Variants in CTTNBP2 observed in about 807,000 individuals in gnomAD.
CTTNBP2 encodes cortactin binding protein 2.
A neutral mutation model predicts 156.9 loss-of-function variants in CTTNBP2; 108 were observed. That is an observed-to-expected ratio of 0.69 (90% confidence interval 0.59 to 0.81). CTTNBP2 has a LOEUF of 0.81. Ranked by LOEUF, CTTNBP2 falls within the 30% of genes least tolerant of loss-of-function variation. CTTNBP2 has a pLI of 0.00. For synonymous variants in CTTNBP2, 767 were observed against 751.8 expected (o/e 1.02, Z -0.33); for missense variants, 1,924 against 2,035.4 (o/e 0.95, Z 1.05).
At chr7:117,813,220 A>G (rs1248794563) in intron 2 of CTTNBP2, among the ~76,000 whole-genome samples, 2 of 152,218 alleles carry the variant, frequency 1.3e-5, no homozygotes, top group Non-Finnish European at 2.9e-5. Flanking sequence ...CCCCTTTTGC[A>G]CTGCTGGGAC....
chr7:117,832,737 C>CTTTTTTTTT (rs927988376), intron 2 of CTTNBP2, among the ~76,000 whole-genome samples: 1 of 112,996 alleles, frequency 8.8e-6, no homozygotes, highest in Non-Finnish European at 1.8e-5. Context: ...ATTCATCAAC[C>CTTTTTTTTT]TTTTTTTTTT....
intron 14 of CTTNBP2, among the ~76,000 whole-genome samples, chr7:117,744,088 G>A (rs1157639764): frequency 6.6e-6 from 1 of 152,134 alleles, no homozygotes; most frequent in Admixed American, 6.5e-5. Context: ...TTTGATACAG[G>A]CTTGTGATGT....
In CTTNBP2 at chr7:117,760,409, T is replaced by C. The variant is rs773765864; in HGVS notation, c.3172+26A>G. 2.5e-6 allele frequency: 4 copies of C among 1,596,328 alleles called. No homozygotes were observed. The South Asian group carries it at 3.3e-5, about 13-fold the overall frequency. On this transcript the variant is annotated intron_variant, in intron 10 of 22. Coordinates refer to ENST00000160373, the MANE Select transcript of CTTNBP2 (RefSeq NM_033427.3). ...ATAAATAAACCCAGAAATTTCACTT[T>C]CTCTCCGTCATAGGACTGCTGATAC...
rs751997636 is a variant in CTTNBP2, at chr7:117,728,233, A to G, written c.3911T>C (p.Val1304Ala). The G allele has an allele frequency of 6.2e-7, 1 of 1,613,874 alleles. No individual in the cohort carries two copies. The change falls in exon 17 of 23, where the codon GTG becomes GCG. Residue 1304 changes from valine (V) to alanine (A), a missense_variant. Val to Ala is a moderately conservative substitution (Grantham distance 64, BLOSUM62 0). Transcript: ENST00000160373. Reference sequence around the variant, plus strand: ...CAGAGCCCAGTCGACAATCTTGCACACAGGATCGCAGGGGGAGGGCGCCTG... The same window carrying G: ...CAGAGCCCAGTCGACAATCTTGCACGCAGGATCGCAGGGGGAGGGCGCCTG... ...KGQAPSPCDP[V>A]CKIVDWALSV...
At chr7:117,813,595 CT>C (rs1336539417) in intron 2 of CTTNBP2, among the ~76,000 whole-genome samples, 1 of 152,156 alleles carries the variant, frequency 6.6e-6, no homozygotes, top group Non-Finnish European at 1.5e-5. Flanking sequence ...ACTCATGGAT[CT>C]TTATCTAAAC....
At chr7:117,836,891 A>G (rs1563055675) in intron 2 of CTTNBP2, among the ~76,000 whole-genome samples, 2 of 152,186 alleles carry the variant, frequency 1.3e-5, no homozygotes, top group South Asian at 4.1e-4. Flanking sequence ...AACCGCCCCC[A>G]TGATTCAGTT....
intron 2 of CTTNBP2, among the ~76,000 whole-genome samples, chr7:117,841,221 T>C (rs943518725): frequency 6.6e-6 from 1 of 152,206 alleles, no homozygotes; most frequent in African/African-American, 2.4e-5. Flanking sequence ...CTTCTTCATC[T>C]GAGCTGTTAA....
In CTTNBP2 at chr7:117,832,548, A is replaced by AT. The variant is rs143125198; in HGVS notation, c.190-21560dup. 1.3e-4 allele frequency among the ~76,000 whole-genome samples: 20 copies of AT among 151,290 alleles called. 1 individual carries two copies. In the East Asian group the frequency reaches 3.9e-3, roughly 29 times the overall value. On this transcript the variant is annotated intron_variant, in intron 2 of 22. Transcript: ENST00000160373. ...CTCTCTACTCTCATTTTTTTTTTAC[A>AT]TACTACCACTCATCTCCTCCTTTCT...
At chr7:117,773,273 G>A (rs1562991865) in intron 8 of CTTNBP2, among the ~76,000 whole-genome samples, 1 of 152,208 alleles carries the variant, frequency 6.6e-6, no homozygotes, top group African/African-American at 2.4e-5. Flanking sequence ...GGGGCGTCAT[G>A]TGGACCTTTG....
chr7:117,761,155 G>A (rs983263783), intron 9 of CTTNBP2, among the ~76,000 whole-genome samples: 6 of 152,186 alleles, frequency 3.9e-5, no homozygotes, highest in African/African-American at 7.2e-5. Context: ...GGGTTGAACC[G>A]CAGAGTCAGG....
chr7:117,774,907 G>T (rs561861685), intron 8 of CTTNBP2, among the ~76,000 whole-genome samples: 1 of 152,146 alleles, frequency 6.6e-6, no homozygotes, highest in Non-Finnish European at 1.5e-5. Flanking sequence ...GCTCAGAGCC[G>T]TATTTTTTTC....
chr7:117,791,740 G>T lies in CTTNBP2; in HGVS notation c.1456C>A (p.Gln486Lys), dbSNP rs887111285. The T allele has an allele frequency of 6.2e-7, 1 of 1,614,198 alleles. No individual in the cohort carries two copies. The highest frequency in any genetic ancestry group is 8.5e-7 in the Non-Finnish European group (1 of 1,180,030). The change falls in exon 4 of 23, where the codon CAA becomes AAA. Residue 486 changes from glutamine (Q) to lysine (K), a missense_variant. Gln to Lys is a moderately conservative substitution (Grantham distance 53). Coordinates refer to ENST00000160373, the MANE Select transcript of CTTNBP2 (RefSeq NM_033427.3). Reference sequence around the variant, plus strand: ...TGGGTCACAGTATTCCGAGCTAGTTGTTTGGCCACTAGGTTGTCACGACTT... The same window carrying T: ...TGGGTCACAGTATTCCGAGCTAGTTTTTTGGCCACTAGGTTGTCACGACTT... ...PTSRDNLVAK[Q>K]LARNTVTQAL...
chr7:117,722,110 T>C (rs755216674), intron 19 of CTTNBP2, among the ~76,000 whole-genome samples: 10 of 152,224 alleles, frequency 6.6e-5, no homozygotes, highest in Admixed American at 5.2e-4. Flanking sequence ...AATTACTACA[T>C]AGCGCACAGC....
chr7:117,731,929 C>T (rs1264697953), intron 16 of CTTNBP2, among the ~76,000 whole-genome samples: 1 of 152,126 alleles, frequency 6.6e-6, no homozygotes. Context: ...TGGAAGAAAA[C>T]ATTACTTACA....
At position 117,725,103 on chromosome 7, in the gene CTTNBP2, T is replaced by TGA; in HGVS notation, c.4208_4209dup (p.Ile1405AlafsTer4). 1 of 1,613,090 alleles carries TGA rather than the reference T, an allele frequency of 6.2e-7. No individual in the cohort carries two copies. The highest frequency in any genetic ancestry group is 8.5e-7 in the Non-Finnish European group (1 of 1,180,030). On this transcript the variant is annotated frameshift_variant, in exon 18 of 23. Coordinates refer to ENST00000160373, the MANE Select transcript of CTTNBP2 (RefSeq NM_033427.3). LOFTEE classifies it high-confidence loss of function. ...AGTACAGCTTTATTTAGCAAGATGC[T>TGA]GAGAGCAGCTTTGACCACAGCCTGC...
chr7:117,810,936 A>G lies in CTTNBP2; in HGVS notation c.243T>C (p.Asn81=), dbSNP rs753031773. 1.2e-6 allele frequency: 2 copies of G among 1,614,142 alleles called. No individual in the cohort carries two copies. Among genetic ancestry groups the G allele is most frequent in the Non-Finnish European group, 1.7e-6 (2 of 1,180,022 alleles). ...CTCTCTGGAGTGCCAGGAACGGGTCATTTAGATTAAATCTCCCATACCGTT... is the reference window on the plus strand; with the variant it reads ...CTCTCTGGAGTGCCAGGAACGGGTCGTTTAGATTAAATCTCCCATACCGTT... ...IQERYGRFNL[N]DPFLALQRDY... Residue 81 remains asparagine (N), a synonymous_variant, in exon 3 of 23, where the codon AAT becomes AAC. Transcript: ENST00000160373.
chr7:117,726,488 G>GA (rs890378658), intron 17 of CTTNBP2, among the ~76,000 whole-genome samples: 18 of 149,502 alleles, frequency 1.2e-4, no homozygotes, highest in South Asian at 4.2e-4. Context: ...GCTGTGGTCG[G>GA]AAAAAAAAAA....
At chr7:117,778,366 A>G (rs1562997268) in intron 7 of CTTNBP2, among the ~76,000 whole-genome samples, 1 of 152,230 alleles carries the variant, frequency 6.6e-6, no homozygotes, top group Non-Finnish European at 1.5e-5. Context: ...ACTGATCATT[A>G]TAAGCTTAGA....
chr7:117,721,169 C>A, intron 19 of CTTNBP2, 39 bp from the exon 20 acceptor site: 1 of 1,163,796 alleles, frequency 8.6e-7, no homozygotes, highest in East Asian at 2.3e-5. Flanking sequence ...GATCATTATC[C>A]CTGTGCCTCT....
Sources: allele counts gnomAD v4.1 joint callset (sites outside exome capture counted in the v4.1 genomes callset), GRCh38; gene constraint gnomAD v4.1.1; transcripts MANE v1.5; gene names NCBI Gene and HGNC (gene_info 2026-07-23, HGNC 2026-07-21).